The following VLDLR variants were observed in gnomAD, a reference collection of about 807,000 sequenced individuals.
VLDLR encodes very low density lipoprotein receptor, also known as very low-density lipoprotein receptor.
Under a neutral mutation model 112.7 loss-of-function variants are expected in VLDLR, and 81 were observed. That is an observed-to-expected ratio of 0.72 (90% CI 0.60 to 0.86). The LOEUF (loss-of-function observed/expected upper bound fraction) is 0.86, where lower values mean the gene tolerates loss of function less well. Ranked by LOEUF, VLDLR falls within the 40% of genes least tolerant of loss-of-function variation. VLDLR has a pLI of 0.00. For synonymous variants in VLDLR, 436 were observed against 384.8 expected (o/e 1.13, Z -1.56); for missense variants, 1,237 against 1,099.4 (o/e 1.13, Z -1.77).
rs1386584580 is a variant in VLDLR, at chr9:2,644,978, C to G, written c.1208C>G (p.Pro403Arg). 1 of 1,614,104 alleles carries G rather than the reference C, an allele frequency of 6.2e-7. No homozygotes were observed. Among genetic ancestry groups the G allele is most frequent in the Non-Finnish European group, 8.5e-7 (1 of 1,180,016 alleles). Residue 403 changes from proline (P) to arginine (R), a missense_variant, in exon 9 of 19, where the codon CCA (proline) becomes CGA (arginine). Physicochemically the swap from Pro to Arg is moderately radical, Grantham distance 103. Transcript: ENST00000382100. ...CCAGATATTGATGAATGCCAAAATC[C>G]AGGAATCTGCAGTCAAATTTGTATC... The part of the protein sequence containing the change: ...TCGDIDECQN[P>R]GICSQICINL...
chr9:2,641,195 T>C (rs1046083009), intron 3 of VLDLR, among the ~76,000 whole-genome samples, 182 bp from the exon 4 acceptor site: 5 of 152,146 alleles, frequency 3.3e-5, no homozygotes, highest in Non-Finnish European at 5.9e-5. Context: ...GTAGCATAGG[T>C]TGGCACAGCT....
intron 1 of VLDLR, among the ~76,000 whole-genome samples, chr9:2,634,045 T>C (rs1047203733): frequency 2.6e-5 from 4 of 152,204 alleles, no homozygotes; most frequent in African/African-American, 9.7e-5. Flanking sequence ...GCTTTGTAGC[T>C]GGGTCCTAGC....
At chr9:2,646,582 T>C (rs1465318176) in intron 11 of VLDLR, 30 bp downstream of exon 11, 5 of 1,602,294 alleles carry the variant, frequency 3.1e-6, no homozygotes, top group Non-Finnish European at 4.3e-6. Flanking sequence ...TCACAGACTT[T>C]GGAATGGTAT....
chr9:2,637,075 T>G, intron 2 of VLDLR, among the ~76,000 whole-genome samples: 1 of 152,222 alleles, frequency 6.6e-6, no homozygotes. Context: ...CAAGATCATT[T>G]GAGGCAGGAA....
At position 2,656,329 on chromosome 9, in the gene VLDLR, C is replaced by A. The variant is rs548832839; in HGVS notation, c.*2461C>A. The A allele has an allele frequency of 6.6e-6, 1 of 152,098 alleles. No individual in the cohort carries two copies. Among genetic ancestry groups the A allele is most frequent in the Admixed American group, 6.5e-5 (1 of 15,270 alleles). The allele number at this position is 152,098 out of a possible 1,614,324, so 9.4% of individuals were successfully genotyped here. On this transcript the variant is annotated 3_prime_UTR_variant, in exon 19 of 19. Transcript: ENST00000382100. ...TATTGGTGGGCCAGGCATGGTGGCTCACGCCTATAATCCCAGCACTTTGGA... is the reference window on the plus strand; with the variant it reads ...TATTGGTGGGCCAGGCATGGTGGCTAACGCCTATAATCCCAGCACTTTGGA...
chr9:2,653,641 A>C (rs59843405), intron 18 of VLDLR, among the ~76,000 whole-genome samples, 192 bp from the exon 19 acceptor site: 1 of 152,190 alleles, frequency 6.6e-6, no homozygotes, highest in African/African-American at 2.4e-5. Flanking sequence ...TCTCACTACC[A>C]AGCAGGTATA....
chr9:2,651,744 C>T, intron 16 of VLDLR, 130 bp from the exon 17 acceptor site: 1 of 1,029,108 alleles, frequency 9.7e-7, no homozygotes, highest in Non-Finnish European at 1.5e-6. Flanking sequence ...CAGAGTTGTT[C>T]CTGGTGTTCA....
rs1180031219 is a variant in VLDLR, at chr9:2,657,689, C to G, written c.*3821C>G. 2.6e-5 allele frequency: 4 copies of G among 152,330 alleles called. No homozygotes were observed. In the East Asian group the frequency reaches 7.7e-4, roughly 29 times the overall value. 9.4% of individuals were successfully genotyped at this position (152,330 alleles called of 1,614,324 possible). On this transcript the variant is annotated 3_prime_UTR_variant, in exon 19 of 19. Transcript: ENST00000382100. ...GCCCGTTCTGTTGGCGGCTGCTGGC[C>G]AAGTGTGCACACTTAGCCCTGGTTG...
intron 1 of VLDLR, among the ~76,000 whole-genome samples, chr9:2,630,900 T>C (rs1817320559): frequency 6.6e-6 from 1 of 152,164 alleles, no homozygotes; most frequent in African/African-American, 2.4e-5. Context: ...ACCTGCCGAA[T>C]GGGAGAAAAT....
chr9:2,652,213 G>A (rs1227441014), intron 17 of VLDLR, among the ~76,000 whole-genome samples: 1 of 152,160 alleles, frequency 6.6e-6, no homozygotes, highest in Non-Finnish European at 1.5e-5. Flanking sequence ...TGTTAACCTG[G>A]CTTATCCCCT....
At chr9:2,646,277 TCTC>T in intron 10 of VLDLR, 54 bp from the exon 11 acceptor site, 1 of 1,575,456 alleles carries the variant, frequency 6.3e-7, no homozygotes, top group Non-Finnish European at 8.7e-7. Context: ...AAAAGTCCAT[TCTC>T]CAAGCTCTAA....
At chr9:2,645,121 T>A (rs2130795589) in intron 9 of VLDLR, 39 bp downstream of exon 9, 1 of 1,613,676 alleles carries the variant, frequency 6.2e-7, no homozygotes. Context: ...TGTACCTTTA[T>A]GAGTAAGTGC....
chr9:2,648,032 A>C (rs891829159), intron 12 of VLDLR, among the ~76,000 whole-genome samples, 176 bp from the exon 13 acceptor site: 1 of 152,244 alleles, frequency 6.6e-6, no homozygotes, highest in Non-Finnish European at 1.5e-5. Context: ...GTTAGTCCCC[A>C]AAAATGAACG....
chr9:2,625,076 A>G (rs1271859575), intron 1 of VLDLR, among the ~76,000 whole-genome samples: 2 of 152,246 alleles, frequency 1.3e-5, no homozygotes, highest in Non-Finnish European at 2.9e-5. Context: ...CATTGCTAGC[A>G]AAGGTGACAG....
rs1563767194 is a variant in VLDLR at position 2,651,452 on chromosome 9, T to TA, written c.2290dup (p.Thr764AsnfsTer10). 1 of 1,614,040 alleles carries TA rather than the reference T, an allele frequency of 6.2e-7. No homozygotes were observed. The highest frequency in any genetic ancestry group is 2.2e-5 in the East Asian group (1 of 44,870). On this transcript the variant is annotated frameshift_variant, in exon 16 of 19. Transcript: ENST00000382100. LOFTEE classifies it high-confidence loss of function. ...CTGTGACTTACAGTGAGACAAAAGA[T>TA]ACGAACACAACAGAAATTTCAGCAA...
Position 2,621,839 on chromosome 9 carries a change from C to T in VLDLR, c.-351C>T, listed in dbSNP as rs1041594426. Reference sequence around the variant, plus strand: ...GGGTGCTCCGCTACCGGCTCCTCTCCGTTCTGTGCTCTCTTCTGCTCTCGG... The same window carrying T: ...GGGTGCTCCGCTACCGGCTCCTCTCTGTTCTGTGCTCTCTTCTGCTCTCGG... On this transcript the variant is annotated 5_prime_UTR_variant, in exon 1 of 19. Coordinates refer to ENST00000382100, the MANE Select transcript of VLDLR (RefSeq NM_003383.5). 3 of 535,294 alleles carry T rather than the reference C, an allele frequency of 5.6e-6. No individual in the cohort carries two copies. Among genetic ancestry groups the T allele is most frequent in the South Asian group, 1.6e-5 (1 of 64,264 alleles). The allele number at this position is 535,294 out of a possible 1,614,324, so 33.2% of individuals were successfully genotyped here.
intron 2 of VLDLR, among the ~76,000 whole-genome samples, chr9:2,637,348 T>C (rs1448930512): frequency 6.6e-6 from 1 of 152,224 alleles, no homozygotes; most frequent in Non-Finnish European, 1.5e-5. Context: ...TTAGATTCTA[T>C]TAGCCATGTG....
rs1399590036 is a variant in VLDLR at position 2,655,027 on chromosome 9, G to C, written c.*1159G>C. On this transcript the variant is annotated 3_prime_UTR_variant, in exon 19 of 19. Coordinates refer to ENST00000382100, the MANE Select transcript of VLDLR (RefSeq NM_003383.5). ...CATCACCTGGGAATGTATTAGAAAT[G>C]CAAGTTCCCAGCCCCATCCCAGACC... 6.6e-6 allele frequency: 1 copy of C among 152,196 alleles called. No homozygotes were observed. Among genetic ancestry groups the C allele is most frequent in the East Asian group, 1.9e-4 (1 of 5,202 alleles). The allele number at this position is 152,196 out of a possible 1,614,324, so 9.4% of individuals were successfully genotyped here. A position where few individuals can be genotyped will look rare whatever the true frequency, so the allele number is the denominator to read the frequency against.
chr9:2,651,340 A>T lies in VLDLR; in HGVS notation c.2252-75A>T, dbSNP rs35769682. The T allele has an allele frequency of 3.1e-6, 4 of 1,304,838 alleles. No individual in the cohort carries two copies. The African/African-American group carries it at 5.9e-5, about 19-fold the overall frequency. 80.8% of individuals were successfully genotyped at this position (1,304,838 alleles called of 1,614,324 possible). A position where few individuals can be genotyped will look rare whatever the true frequency, so the allele number is the denominator to read the frequency against. The stretch of plus-strand genomic sequence containing the variant: ...ACCTGGTTTTAAAATAACCTTTTAC[A>T]TGGCTTGTCTGGACAAAACAGCTAG... On this transcript the variant is annotated intron_variant, in intron 15 of 18. Transcript: ENST00000382100.
Sources: allele counts gnomAD v4.1 joint callset (sites outside exome capture counted in the v4.1 genomes callset), GRCh38; gene constraint gnomAD v4.1.1; transcripts MANE v1.5; gene names NCBI Gene and HGNC (gene_info 2026-07-23, HGNC 2026-07-21).